Variants in CHN2 observed in about 807,000 individuals in gnomAD.
The protein encoded by CHN2 is beta-chimaerin.
CHN2 carries 35 observed loss-of-function variants against 56.3 expected under a neutral mutation model. The ratio of observed to expected loss-of-function variants is 0.62; its 90% CI spans 0.47 to 0.82. The LOEUF is 0.82. CHN2 is among the 40% of genes least tolerant of loss of function. CHN2 has a pLI of 0.00. For synonymous variants in CHN2, 210 were observed against 212.8 expected, an observed-to-expected ratio of 0.99 and a Z score of 0.12; for missense variants, 491 against 580.5, an observed-to-expected ratio of 0.85 and a Z score of 1.58.
rs192116579 is a variant in CHN2 at position 29,349,292 on chromosome 7, A to G, written c.50-5333A>G. Among the ~76,000 whole-genome samples the G allele has an allele frequency of 3.7e-3, 569 of 152,260 alleles. 5 individuals are homozygous for G. The highest frequency in any genetic ancestry group is 0.012 in the African/African-American group (511 of 41,554). ...GAAACATATTTGTGATTTTTTGTTTACAGATTAAGCATTATAAATATTAAC... is the reference window on the plus strand; with the variant it reads ...GAAACATATTTGTGATTTTTTGTTTGCAGATTAAGCATTATAAATATTAAC... On this transcript the variant is annotated intron_variant, in intron 1 of 12. Transcript: ENST00000222792.
chr7:29,388,881 C>T lies in CHN2; in HGVS notation c.145-4798C>T, dbSNP rs563219474. 5.3e-5 allele frequency among the ~76,000 whole-genome samples: 8 copies of T among 152,288 alleles called. No homozygotes were observed. The South Asian group carries it at 1.5e-3, about 28-fold the overall frequency. ...TGGATAGTAGGGACAGGACTGAGCCCATCTCCAGTAGTCACAGTGCTAACA... is the reference window on the plus strand; with the variant it reads ...TGGATAGTAGGGACAGGACTGAGCCTATCTCCAGTAGTCACAGTGCTAACA... On this transcript the variant is annotated intron_variant, in intron 3 of 12. Transcript: ENST00000222792.
At chr7:29,446,202 C>A (rs1191094845) in intron 6 of CHN2, among the ~76,000 whole-genome samples, 1 of 152,162 alleles carries the variant, frequency 6.6e-6, no homozygotes, top group African/African-American at 2.4e-5. Context: ...GTTACAGGTG[C>A]ACCAAAATCT....
chr7:29,420,322 C>G (rs1223654644), intron 6 of CHN2, among the ~76,000 whole-genome samples: 1 of 152,116 alleles, frequency 6.6e-6, no homozygotes, highest in Non-Finnish European at 1.5e-5. Context: ...TTTGTATACC[C>G]ATGTTCATAA....
intron 1 of CHN2, among the ~76,000 whole-genome samples, chr7:29,339,767 C>G (rs1796901421): frequency 6.6e-6 from 1 of 151,870 alleles, no homozygotes. Flanking sequence ...GCAGGAGAAT[C>G]ACTTGAACTA....
intron 9 of CHN2, among the ~76,000 whole-genome samples, chr7:29,503,976 T>C (rs536877865): frequency 6.6e-6 from 1 of 152,316 alleles, no homozygotes; most frequent in African/African-American, 2.4e-5. Flanking sequence ...CCATGTCTTT[T>C]TTTCTTAGCC....
At chr7:29,193,446 T>C (rs572532710), upstream of CHN2, 5 of 152,344 alleles carry the variant, frequency 3.3e-5, no homozygotes, top group East Asian at 9.6e-4. Flanking sequence ...TTTAAAAAGT[T>C]GAACTACCCC....
intron 1 of CHN2, among the ~76,000 whole-genome samples, chr7:29,214,644 C>T (rs1039959081): frequency 6.6e-6 from 1 of 152,144 alleles, no homozygotes; most frequent in African/African-American, 2.4e-5. Context: ...CTGAAAACTT[C>T]GTCATTTCTG....
intron 7 of CHN2, among the ~76,000 whole-genome samples, chr7:29,495,360 G>A (rs866393395): frequency 6.6e-6 from 1 of 152,138 alleles, no homozygotes; most frequent in African/African-American, 2.4e-5. Context: ...TTACCTGAAG[G>A]CCACACCAAG....
chr7:29,419,491 T>A (rs1336444489), intron 6 of CHN2, among the ~76,000 whole-genome samples: 1 of 151,968 alleles, frequency 6.6e-6, no homozygotes, highest in Non-Finnish European at 1.5e-5. Context: ...AAGGATAATA[T>A]CAAACTTAAA....
chr7:29,352,600 G>A (rs1424565194), intron 1 of CHN2, among the ~76,000 whole-genome samples: 2 of 152,080 alleles, frequency 1.3e-5, no homozygotes, highest in Non-Finnish European at 2.9e-5. Context: ...GCACACGCCT[G>A]TAATCCTAGC....
intron 2 of CHN2, among the ~76,000 whole-genome samples, chr7:29,355,265 C>G (rs894489682): frequency 1.3e-5 from 2 of 152,136 alleles, no homozygotes; most frequent in African/African-American, 4.8e-5. Context: ...GCCACCGCGC[C>G]CAGCCACTTT....
intron 1 of CHN2, among the ~76,000 whole-genome samples, chr7:29,265,336 C>A (rs1237891912): frequency 6.6e-6 from 1 of 152,222 alleles, no homozygotes; most frequent in Non-Finnish European, 1.5e-5. Context: ...GCTATCTGAT[C>A]TGTTGCCAAA....
At chr7:29,387,145 GA>G (rs1477412989) in intron 3 of CHN2, among the ~76,000 whole-genome samples, 1 of 152,180 alleles carries the variant, frequency 6.6e-6, no homozygotes, top group Non-Finnish European at 1.5e-5. Flanking sequence ...CAAAAGGAGA[GA>G]AACCCTCAGG....
intron 9 of CHN2, among the ~76,000 whole-genome samples, 157 bp downstream of exon 9, chr7:29,500,197 A>G (rs1336595001): frequency 1.3e-5 from 2 of 152,052 alleles, no homozygotes; most frequent in African/African-American, 4.8e-5. Flanking sequence ...TCACAGGTAG[A>G]CTCAATCCAA....
intron 7 of CHN2, 45 bp from the exon 8 acceptor site, chr7:29,495,907 A>G (rs757254852): frequency 1.9e-6 from 3 of 1,558,738 alleles, no homozygotes; most frequent in Non-Finnish European, 2.7e-6. Context: ...CCTGCCTTTA[A>G]ATGACTCTGA....
chr7:29,186,401 T>C (rs1798717442), intron 2 of CHN2: 1 of 152,108 alleles, frequency 6.6e-6, no homozygotes, highest in Non-Finnish European at 1.5e-5. Flanking sequence ...TGGACAACAT[T>C]GCAAAACCCT....
chr7:29,466,777 T>C (rs1017484561), intron 6 of CHN2, among the ~76,000 whole-genome samples: 1 of 152,242 alleles, frequency 6.6e-6, no homozygotes, highest in Non-Finnish European at 1.5e-5. Context: ...GTTTGAAACT[T>C]GCCTAATTTT....
At chr7:29,492,238 TA>T (rs1788742367) in intron 7 of CHN2, among the ~76,000 whole-genome samples, 1 of 152,252 alleles carries the variant, frequency 6.6e-6, no homozygotes, top group South Asian at 2.1e-4. Context: ...TATTTTTACC[TA>T]TTTCTCCCCT....
chr7:29,160,681 C>T (rs1202304168), intron 2 of CHN2, among the ~76,000 whole-genome samples: 1 of 152,112 alleles, frequency 6.6e-6, no homozygotes, highest in African/African-American at 2.4e-5. Flanking sequence ...CGTGATGATG[C>T]CTGGTGCTGT....
Sources: allele counts gnomAD v4.1 joint callset (sites outside exome capture counted in the v4.1 genomes callset), GRCh38; gene constraint gnomAD v4.1.1; transcripts MANE v1.5; gene names NCBI Gene and HGNC (gene_info 2026-07-23, HGNC 2026-07-21).